Variants in NOS1 observed in about 807,000 individuals in gnomAD.
The protein encoded by NOS1 is nitric oxide synthase 1, also known as NOS type I.
Under a neutral mutation model 164.5 loss-of-function variants are expected in NOS1, and 51 were observed. The ratio of observed to expected loss-of-function variants is 0.31; its 90% CI spans 0.25 to 0.39. NOS1 has a LOEUF of 0.39. Among genes scored for constraint, NOS1 ranks in the 10% least tolerant of loss-of-function variants. The probability of loss-of-function intolerance (pLI) is 1.00; values close to 1 mark genes in which losing one functional copy is unlikely to be tolerated. For missense variants in NOS1, 1,362 were observed against 1,885.6 expected (o/e 0.72, Z 5.14); for synonymous variants, 719 against 745.8 (o/e 0.96, Z 0.59).
intron 22 of NOS1, among the ~76,000 whole-genome samples, chr12:117,229,588 CTA>C (rs1491453713): frequency 6.6e-6 from 1 of 151,984 alleles, no homozygotes; most frequent in Non-Finnish European, 1.5e-5. Context: ...ATCTATCTAT[CTA>C]TCTATCTATC....
intron 2 of NOS1, 67 bp from the exon 3 acceptor site, chr12:117,311,659 G>C (rs1874441027): frequency 6.5e-7 from 1 of 1,546,832 alleles, no homozygotes; most frequent in East Asian, 2.3e-5. Context: ...GCTTTGACCT[G>C]GAAGTCCTGA....
chr12:117,353,050 A>T (rs561931018), intron 1 of NOS1, among the ~76,000 whole-genome samples: 2 of 152,114 alleles, frequency 1.3e-5, no homozygotes, highest in South Asian at 4.2e-4. Context: ...CCATCCATCC[A>T]TCCACCCACC....
chr12:117,220,915 A>G (rs532624119), intron 26 of NOS1, among the ~76,000 whole-genome samples: 2 of 152,174 alleles, frequency 1.3e-5, no homozygotes, highest in East Asian at 3.9e-4. Flanking sequence ...TTTAGCTGGA[A>G]CATGCTGGTA....
chr12:117,288,145 G>T lies in NOS1; in HGVS notation c.1056C>A (p.Asp352Glu). 6.2e-7 allele frequency: 1 copy of T among 1,614,064 alleles called. No homozygotes were observed. The highest frequency in any genetic ancestry group is 1.1e-5 in the South Asian group (1 of 91,076). The change falls in exon 5 of 29, where the codon GAC becomes GAA. Residue 352 changes from aspartate to glutamate, a missense_variant. By Grantham distance (45) the Asp-to-Glu change is conservative. Transcript: ENST00000317775. The part of the protein sequence containing the change: ...HPSQHARRPE[D>E]VRTKGQLFPL... Reference sequence around the variant, plus strand: ...GGAAGAGCTGTCCTTTTGTGCGGACGTCTTCAGGCCTCCTTGCATGCTGAG... The same window carrying T: ...GGAAGAGCTGTCCTTTTGTGCGGACTTCTTCAGGCCTCCTTGCATGCTGAG...
rs143023875 is a variant in NOS1, at chr12:117,334,891, A to G, written c.-420-3402T>C. Reference sequence around the variant, plus strand: ...CCCGGTTTTTGAATGTCCAGTTTCCATGAGGCTCCGTAGGGAGAGCTGGCC... The same window carrying G: ...CCCGGTTTTTGAATGTCCAGTTTCCGTGAGGCTCCGTAGGGAGAGCTGGCC... On this transcript the variant is annotated intron_variant, in intron 1 of 28. Coordinates refer to ENST00000317775, the MANE Select transcript of NOS1 (RefSeq NM_000620.5). Among the ~76,000 whole-genome samples the G allele has an allele frequency of 2.0e-5, 3 of 152,266 alleles. No individual in the cohort carries two copies. The East Asian group carries it at 5.8e-4, about 29-fold the overall frequency.
At chr12:117,215,869 CTTTTTTTTTTTTT>C (rs34665031) in intron 28 of NOS1, among the ~76,000 whole-genome samples, 1 of 85,428 alleles carries the variant, frequency 1.2e-5, no homozygotes, top group African/African-American at 5.6e-5. Flanking sequence ...TTTAAAAGGA[CTTTTTTTTTTTTT>C]TTTTTTTTTT....
intron 23 of NOS1, among the ~76,000 whole-genome samples, chr12:117,227,111 AC>A (rs1236303187): frequency 6.6e-6 from 1 of 152,084 alleles, no homozygotes; most frequent in Non-Finnish European, 1.5e-5. Context: ...GGGTTATCTG[AC>A]TTACAACCAG....
intron 22 of NOS1, among the ~76,000 whole-genome samples, chr12:117,229,184 T>C (rs1036588636): frequency 6.6e-6 from 1 of 152,224 alleles, no homozygotes; most frequent in South Asian, 2.1e-4. Flanking sequence ...CCAAGAGCCC[T>C]GGCCTCTCAA....
chr12:117,321,249 A>T (rs1874904698), intron 2 of NOS1, among the ~76,000 whole-genome samples: 1 of 152,124 alleles, frequency 6.6e-6, no homozygotes, highest in Non-Finnish European at 1.5e-5. Context: ...ACCTCAGGTG[A>T]TCCACCCGCC....
chr12:117,253,237 T>C (rs1265919888), intron 17 of NOS1, among the ~76,000 whole-genome samples: 4 of 152,112 alleles, frequency 2.6e-5, no homozygotes, highest in African/African-American at 7.2e-5. Context: ...TAGGTGGTTT[T>C]GAGGAGCCTC....
At chr12:117,286,893 A>T (rs1872741729) in intron 5 of NOS1, among the ~76,000 whole-genome samples, 1 of 152,086 alleles carries the variant, frequency 6.6e-6, no homozygotes, top group African/African-American at 2.4e-5. Context: ...ATCATGTACA[A>T]TATCATTTTG....
At chr12:117,287,157 T>C (rs1159652165) in intron 5 of NOS1, among the ~76,000 whole-genome samples, 2 of 152,084 alleles carry the variant, frequency 1.3e-5, no homozygotes, top group Non-Finnish European at 2.9e-5. Context: ...GAGGGTGCAG[T>C]GAGCCAAGAT....
At position 117,253,693 on chromosome 12, in the gene NOS1, C is replaced by T. The variant is rs200664091; in HGVS notation, c.2593G>A (p.Asp865Asn). The change falls in exon 17 of 29, where the codon GAT (aspartate) becomes AAT (asparagine). Residue 865 changes from aspartate (D) to asparagine (N), a missense_variant. By Grantham distance (23) the Asp-to-Asn change is conservative (BLOSUM62 1). Around this residue, in one of 4 missense-constraint regions of NOS1, gnomAD observed 737 missense variants for 1,030.3 expected, o/e 0.72. Transcript: ENST00000317775. ...AAGTTGTCTCTGAGGTCGGGCCCATCGCCTGATGATTTTTGGGAGTCAGAG... is the reference window on the plus strand; with the variant it reads ...AAGTTGTCTCTGAGGTCGGGCCCATTGCCTGATGATTTTTGGGAGTCAGAG... ...SYSDSQKSSG[D>N]GPDLRDNFES... 70 of 1,614,058 alleles carry T rather than the reference C, an allele frequency of 4.3e-5. 1 individual carries two copies. The Middle Eastern group carries it at 5.0e-4, about 11-fold the overall frequency.
At position 117,338,195 on chromosome 12, in the gene NOS1, C is replaced by T. The variant is rs559681849; in HGVS notation, c.-420-6706G>A. The stretch of plus-strand genomic sequence containing the variant: ...TTGCGCCACTGCACTCCAGCCTGGG[C>T]GACAGAGTGAGACTCTGTCTCAAAC... On this transcript the variant is annotated intron_variant, in intron 1 of 28. Transcript: ENST00000317775. Among the ~76,000 whole-genome samples, 22 of 151,484 alleles carry T rather than the reference C, an allele frequency of 1.5e-4. No homozygotes were observed. In the South Asian group the frequency reaches 2.9e-3, roughly 20 times the overall value.
chr12:117,306,317 A>G (rs1593009464), intron 3 of NOS1, among the ~76,000 whole-genome samples: 1 of 152,270 alleles, frequency 6.6e-6, no homozygotes, highest in Non-Finnish European at 1.5e-5. Flanking sequence ...CGGAATTTCT[A>G]TATTAGCAGA....
chr12:117,333,080 C>A (rs1399900260), intron 1 of NOS1, among the ~76,000 whole-genome samples: 2 of 152,158 alleles, frequency 1.3e-5, no homozygotes, highest in Admixed American at 6.5e-5. Context: ...GGGCCGTGTA[C>A]ATGCACAGTG....
intron 3 of NOS1, chr12:117,309,524 T>A: frequency 3.8e-6 from 1 of 263,184 alleles, no homozygotes; most frequent in Non-Finnish European, 5.9e-6. Flanking sequence ...CTGAGTCACC[T>A]AGGCCACCCC....
At position 117,210,376 on chromosome 12, in the gene NOS1, TTTCTCTCTCCTTG is replaced by T; in HGVS notation, c.*4920_*4932del. ...GGTTATAAAGGAAGACTAGTTAGTGTTTCTCTCTCCTTGTTGCTTCCTGGCAGTCTCAGACTAC... is the reference window on the plus strand; with the variant it reads ...GGTTATAAAGGAAGACTAGTTAGTGTTTGCTTCCTGGCAGTCTCAGACTAC... On this transcript the variant is annotated 3_prime_UTR_variant, in exon 29 of 29. Coordinates refer to ENST00000317775, the MANE Select transcript of NOS1 (RefSeq NM_000620.5). 1 of 985,302 alleles carries T rather than the reference TTTCTCTCTCCTTG, an allele frequency of 1.0e-6. No individual in the cohort carries two copies. Among genetic ancestry groups the T allele is most frequent in the South Asian group, 4.7e-5 (1 of 21,278 alleles). 61.0% of individuals were successfully genotyped at this position (985,302 alleles called of 1,614,324 possible).
intron 3 of NOS1, among the ~76,000 whole-genome samples, chr12:117,297,526 G>A (rs1299080884): frequency 1.3e-5 from 2 of 152,132 alleles, no homozygotes; most frequent in African/African-American, 4.8e-5. Context: ...TGAGTAGCTG[G>A]GATTACAGGC....
Sources: allele counts gnomAD v4.1 joint callset (sites outside exome capture counted in the v4.1 genomes callset), GRCh38; gene constraint gnomAD v4.1.1; regional missense constraint gnomAD v4.1.1; transcripts MANE v1.5; gene names NCBI Gene and HGNC (gene_info 2026-07-23, HGNC 2026-07-21).